The following TMEM39A variants were observed in gnomAD, a reference collection of about 807,000 sequenced individuals.
TMEM39A encodes the protein suppressor of SQST-1 aggregates in rpl-43 mutants.
TMEM39A carries 19 observed loss-of-function variants against 51.9 expected under a neutral mutation model. The ratio of observed to expected loss-of-function variants is 0.37; its 90% confidence interval spans 0.26 to 0.54. TMEM39A has a LOEUF of 0.54. TMEM39A is among the 20% of genes least tolerant of loss of function. The pLI is 0.88. For synonymous variants in TMEM39A, 197 were observed against 220.2 expected, an observed-to-expected ratio of 0.89 and a Z score of 0.93; for missense variants, 433 against 590.5, an observed-to-expected ratio of 0.73 and a Z score of 2.76.
intron 7 of TMEM39A, chr3:119,435,361 T>TG (rs1410588320): frequency 1.1e-4 from 112 of 985,262 alleles, no homozygotes; most frequent in Non-Finnish European, 1.3e-4. Flanking sequence ...GGAAATCAGT[T>TG]TGCTTATCAC....
chr3:119,458,621 G>A (rs1028261392), intron 2 of TMEM39A, among the ~76,000 whole-genome samples: 3 of 152,108 alleles, frequency 2.0e-5, no homozygotes, highest in Non-Finnish European at 4.4e-5. Context: ...TTGGCCAGGC[G>A]TGGTGGCTCA....
intron 2 of TMEM39A, among the ~76,000 whole-genome samples, chr3:119,459,852 T>C (rs867572456): frequency 6.6e-6 from 1 of 152,306 alleles, no homozygotes; most frequent in African/African-American, 2.4e-5. Flanking sequence ...CAATTATCTA[T>C]TTCCCTCCAA....
chr3:119,462,211 C>T (rs2081347793), intron 1 of TMEM39A, 63 bp from the exon 2 acceptor site: 2 of 624,186 alleles, frequency 3.2e-6, no homozygotes, highest in East Asian at 5.7e-5. Flanking sequence ...AACAAAACAA[C>T]GACAAACACT....
chr3:119,443,747 C>T (rs1473680844), intron 5 of TMEM39A, among the ~76,000 whole-genome samples: 1 of 151,876 alleles, frequency 6.6e-6, no homozygotes, highest in Non-Finnish European at 1.5e-5. Context: ...GAGACCCGAT[C>T]TCTACAAAAA....
At chr3:119,452,234 G>A (rs1179001357) in intron 4 of TMEM39A, among the ~76,000 whole-genome samples, 1 of 152,108 alleles carries the variant, frequency 6.6e-6, no homozygotes, top group Non-Finnish European at 1.5e-5. Context: ...CACAAGCTCC[G>A]ACCCTACGAA....
At chr3:119,435,711 T>C (rs974031025) in intron 7 of TMEM39A, 1 of 999,206 alleles carries the variant, frequency 1.0e-6, no homozygotes, top group African/African-American at 1.7e-5. Flanking sequence ...ACCCTAAAGC[T>C]TTCCCAGTTC....
rs1369663286 is a variant in TMEM39A, at chr3:119,430,311, TCTC to T, written c.*1667_*1669del. On this transcript the variant is annotated 3_prime_UTR_variant, in exon 9 of 9. Transcript: ENST00000319172. ...TTGCTTTTTCTTTGCTTAAAAATCA[TCTC>T]CTCAAAGATGCCTTCTAGCAGTGCT... 6.6e-6 allele frequency: 1 copy of T among 152,152 alleles called. No homozygotes were observed. The highest frequency in any genetic ancestry group is 2.4e-5 in the African/African-American group (1 of 41,438). The allele number at this position is 152,152 out of a possible 1,614,324, so 9.4% of individuals were successfully genotyped here.
Position 119,431,856 on chromosome 3 carries a change from C to T in TMEM39A, c.*125G>A, listed in dbSNP as rs773103572. 16 of 653,892 alleles carry T rather than the reference C, an allele frequency of 2.4e-5. No homozygotes were observed. The highest frequency in any genetic ancestry group is 6.0e-5 in the South Asian group (2 of 33,374). The allele number at this position is 653,892 out of a possible 1,614,324, so 40.5% of individuals were successfully genotyped here. ...TACATTTAATATCCCTTACTCTTCC[C>T]GACTTTCAAAACATAATAGTATACA... On this transcript the variant is annotated 3_prime_UTR_variant, in exon 9 of 9. Coordinates refer to ENST00000319172, the MANE Select transcript of TMEM39A (RefSeq NM_018266.3).
chr3:119,436,558 A>G, intron 7 of TMEM39A: 1 of 400,194 alleles, frequency 2.5e-6, no homozygotes, highest in South Asian at 4.9e-5. Flanking sequence ...CAAATTACAC[A>G]CACTAGAGTG....
In TMEM39A at chr3:119,445,749, A is replaced by G. The variant is rs901484723; in HGVS notation, c.575+1269T>C. 4.6e-5 allele frequency among the ~76,000 whole-genome samples: 7 copies of G among 152,372 alleles called. No homozygotes were observed. The East Asian group carries it at 5.8e-4, about 13-fold the overall frequency. On this transcript the variant is annotated intron_variant, in intron 5 of 8. Transcript: ENST00000319172. The stretch of plus-strand genomic sequence containing the variant: ...GATAGAGGGATGGAGAGATGGACAG[A>G]TAAGTATTACACAGTTATAGTAAAA...
chr3:119,435,192 G>A (rs1033673689), intron 7 of TMEM39A: 13 of 985,304 alleles, frequency 1.3e-5, no homozygotes, highest in African/African-American at 3.5e-5. Context: ...TAAGCAGGGT[G>A]ACTGTCATCT....
chr3:119,462,111 T>C lies in TMEM39A; in HGVS notation c.-37A>G, dbSNP rs775762934. 1 of 1,553,006 alleles carries C rather than the reference T, an allele frequency of 6.4e-7. No homozygotes were observed. Among genetic ancestry groups the C allele is most frequent in the Non-Finnish European group, 8.9e-7 (1 of 1,126,960 alleles). ...AGTCTGCTTCCAGTGCCACCTGTAG[T>C]TGCAACCCAGGTTAATGGTTGTCAA... On this transcript the variant is annotated 5_prime_UTR_variant, in exon 2 of 9. Coordinates refer to ENST00000319172, the MANE Select transcript of TMEM39A (RefSeq NM_018266.3).
In TMEM39A at chr3:119,436,973, G is replaced by A. The variant is rs758011452; in HGVS notation, c.930C>T (p.Thr310=). ...AFLPLCFVKS[T]QYYDMRWSCE... ...ATGACCAGCGCATGTCATAGTACTG[G>A]GTACTCTGGAAGAGATCAGAAGAGA... Residue 310 remains threonine (T), a synonymous_variant, in exon 7 of 9, where the codon ACC becomes ACT. Transcript: ENST00000319172. 3 of 1,611,624 alleles carry A rather than the reference G, an allele frequency of 1.9e-6. No homozygotes were observed. The highest frequency in any genetic ancestry group is 4.5e-5 in the East Asian group (2 of 44,792).
intron 8 of TMEM39A, among the ~76,000 whole-genome samples, chr3:119,433,401 T>C (rs1461161505): frequency 2.6e-5 from 4 of 152,118 alleles, no homozygotes; most frequent in Non-Finnish European, 4.4e-5. Flanking sequence ...TTTTTAAAAA[T>C]AGTGGGCCAG....
At chr3:119,446,260 C>G (rs2081123389) in intron 5 of TMEM39A, among the ~76,000 whole-genome samples, 1 of 152,100 alleles carries the variant, frequency 6.6e-6, no homozygotes, top group Non-Finnish European at 1.5e-5. Context: ...TTTGGCATAC[C>G]TGAATTGTGA....
At chr3:119,448,347 A>T (rs1195425722) in intron 4 of TMEM39A, among the ~76,000 whole-genome samples, 1 of 152,196 alleles carries the variant, frequency 6.6e-6, no homozygotes, top group Non-Finnish European at 1.5e-5. Flanking sequence ...ATAACCTCTA[A>T]GAGAGCAGTG....
intron 1 of TMEM39A, 91 bp from the exon 2 acceptor site, chr3:119,462,239 A>C (rs900487134): frequency 3.8e-5 from 22 of 577,906 alleles, no homozygotes; most frequent in Non-Finnish European, 6.5e-5. Flanking sequence ...CAGGCCTTAC[A>C]AAATAAGATT....
chr3:119,443,871 C>A (rs190079347), intron 5 of TMEM39A, among the ~76,000 whole-genome samples: 2,008 of 152,020 alleles, frequency 0.013, 45 homozygotes, highest in African/African-American at 0.045. Context: ...CACCACTGCA[C>A]TCCAGCCTGG....
At chr3:119,435,856 C>G in intron 7 of TMEM39A, 1 of 1,289,414 alleles carries the variant, frequency 7.8e-7, no homozygotes, top group African/African-American at 1.5e-5. Context: ...TTATTGAAAT[C>G]TGTCCTTTGC....
Sources: allele counts gnomAD v4.1 joint callset (sites outside exome capture counted in the v4.1 genomes callset), GRCh38; gene constraint gnomAD v4.1.1; transcripts MANE v1.5; gene names NCBI Gene and HGNC (gene_info 2026-07-23, HGNC 2026-07-21).